The following DCDC1 variants were observed in gnomAD, a reference collection of about 807,000 sequenced individuals.
DCDC1 encodes doublecortin domain-containing protein 1.
A neutral mutation model predicts 178.3 loss-of-function variants in DCDC1; 200 were observed. The observed-to-expected ratio is 1.12, with a 90% CI of 1.00 to 1.26. DCDC1 has a LOEUF of 1.26. Among genes scored for constraint, DCDC1 ranks in the 50% most tolerant of loss-of-function variants. DCDC1 has a pLI of 0.00. For synonymous variants in DCDC1, 690 were observed against 604.8 expected (o/e 1.14, Z -2.07); for missense variants, 1,983 against 1,749.2 (o/e 1.13, Z -2.38).
At chr11:30,879,176 A>T (rs1377241400) in intron 37 of DCDC1, among the ~76,000 whole-genome samples, 4 of 152,124 alleles carry the variant, frequency 2.6e-5, no homozygotes, top group South Asian at 4.1e-4. Flanking sequence ...TCACATACTA[A>T]ATGTTTTTTG....
intron 9 of DCDC1, among the ~76,000 whole-genome samples, chr11:31,166,799 T>A (rs1474551890): frequency 2.0e-5 from 3 of 152,198 alleles, no homozygotes. Context: ...CCAATAGCTA[T>A]AAATGTGAAC....
intron 9 of DCDC1, among the ~76,000 whole-genome samples, chr11:31,197,097 T>C (rs1393797982): frequency 6.6e-6 from 1 of 152,066 alleles, no homozygotes; most frequent in East Asian, 1.9e-4. Flanking sequence ...ACCAAATATA[T>C]ATATATTTTT....
intron 7 of DCDC1, chr11:31,281,043 A>AT: frequency 2.0e-6 from 1 of 498,468 alleles, no homozygotes; most frequent in Non-Finnish European, 3.9e-6. Context: ...TAGACGTCCC[A>AT]TTCTCCTTAA....
chr11:31,244,410 ATTATTT>A (rs1297627074), intron 8 of DCDC1, among the ~76,000 whole-genome samples: 5 of 151,494 alleles, frequency 3.3e-5, no homozygotes, highest in Non-Finnish European at 7.4e-5. Context: ...TTTTTCCCTT[ATTATTT>A]TTGTGTCCTT....
intron 20 of DCDC1, among the ~76,000 whole-genome samples, chr11:30,975,820 C>G (rs2134735347): frequency 6.6e-6 from 1 of 152,018 alleles, no homozygotes; most frequent in African/African-American, 2.4e-5. Flanking sequence ...CAATCCCTAT[C>G]AAAGTGCCAA....
chr11:31,006,018 C>T (rs1951827994), intron 20 of DCDC1, among the ~76,000 whole-genome samples: 2 of 150,866 alleles, frequency 1.3e-5, no homozygotes, highest in South Asian at 4.2e-4. Context: ...TCACATAACC[C>T]ATTTTACTGC....
intron 21 of DCDC1, chr11:30,944,213 A>G (rs993678146): frequency 4.7e-6 from 2 of 425,070 alleles, no homozygotes; most frequent in South Asian, 1.7e-5. Flanking sequence ...CTTCTCCTTT[A>G]TTCATCAACT....
rs563162623 is a variant in DCDC1 at position 31,365,630 on chromosome 11, C to T, written c.-125+4067G>A. On this transcript the variant is annotated intron_variant, in intron 1 of 38. Coordinates refer to ENST00000684477, the MANE Select transcript of DCDC1 (RefSeq NM_001387274.1). ...TGAATGTCTGGTAGACGTTAGTTTA[C>T]GGGCAGGCGTGTACCAAAGTGATAG... Among the ~76,000 whole-genome samples the T allele has an allele frequency of 5.9e-5, 9 of 152,182 alleles. No individual in the cohort carries two copies. In the South Asian group the frequency reaches 6.2e-4, roughly 11 times the overall value.
chr11:31,358,778 A>C (rs1006900126), intron 1 of DCDC1, among the ~76,000 whole-genome samples: 9 of 152,214 alleles, frequency 5.9e-5, no homozygotes, highest in Non-Finnish European at 1.5e-5. Context: ...GGCAAAGGAT[A>C]TGAACAGACA....
At chr11:31,148,673 T>C (rs1026055027) in intron 9 of DCDC1, among the ~76,000 whole-genome samples, 1 of 151,644 alleles carries the variant, frequency 6.6e-6, no homozygotes, top group Non-Finnish European at 1.5e-5. Context: ...ATTATGATGG[T>C]TTCTTTTATA....
rs568398660 is a variant in DCDC1 at position 31,215,267 on chromosome 11, A to G, written c.1221+26183T>C. 38 of 173,002 alleles carry G rather than the reference A, an allele frequency of 2.2e-4. No homozygotes were observed. The South Asian group carries it at 4.2e-3, about 19-fold the overall frequency. 10.7% of individuals were successfully genotyped at this position (173,002 alleles called of 1,614,324 possible). A position where few individuals can be genotyped will look rare whatever the true frequency, so the allele number is the denominator to read the frequency against. The stretch of plus-strand genomic sequence containing the variant: ...CAACATAGTGAGACCCAGTTCTCTA[A>G]AAATAAAATAAAATAAATAATTCAT... On this transcript the variant is annotated intron_variant, in intron 9 of 38. Coordinates refer to ENST00000684477, the MANE Select transcript of DCDC1 (RefSeq NM_001387274.1).
chr11:31,254,949 C>A (rs1459309116), intron 8 of DCDC1, among the ~76,000 whole-genome samples: 3 of 152,056 alleles, frequency 2.0e-5, no homozygotes. Flanking sequence ...GCAGAGTCTC[C>A]TTTTCCCTCA....
chr11:31,285,928 C>T (rs1411673159), intron 7 of DCDC1, among the ~76,000 whole-genome samples: 1 of 152,222 alleles, frequency 6.6e-6, no homozygotes. Flanking sequence ...TACACTCATT[C>T]TAATCTAACA....
intron 1 of DCDC1, among the ~76,000 whole-genome samples, chr11:31,343,558 T>G (rs1294758384): frequency 1.3e-5 from 2 of 152,082 alleles, no homozygotes; most frequent in Admixed American, 1.3e-4. Context: ...CTGCCCATCT[T>G]GGCTTCCCAA....
At chr11:31,185,908 A>C (rs546041437) in intron 9 of DCDC1, among the ~76,000 whole-genome samples, 1 of 152,346 alleles carries the variant, frequency 6.6e-6, no homozygotes, top group African/African-American at 2.4e-5. Context: ...CATTTAAATA[A>C]GTATATCAAA....
chr11:30,918,896 T>A (rs1946047755), intron 25 of DCDC1, among the ~76,000 whole-genome samples: 1 of 152,178 alleles, frequency 6.6e-6, no homozygotes, highest in South Asian at 2.1e-4. Context: ...CTTTTCCATT[T>A]TTCTTATTGT....
At chr11:31,031,366 T>C (rs1417569406) in intron 20 of DCDC1, among the ~76,000 whole-genome samples, 1 of 152,162 alleles carries the variant, frequency 6.6e-6, no homozygotes, top group Non-Finnish European at 1.5e-5. Context: ...CTGGTAATGT[T>C]AAAATATCTG....
intron 20 of DCDC1, among the ~76,000 whole-genome samples, chr11:31,051,516 AT>A (rs1313918514): frequency 6.6e-6 from 1 of 152,216 alleles, no homozygotes; most frequent in Non-Finnish European, 1.5e-5. Flanking sequence ...GCCCAGGCAC[AT>A]TGTCATCAGG....
At chr11:31,176,159 C>T (rs1967986207) in intron 9 of DCDC1, among the ~76,000 whole-genome samples, 1 of 152,060 alleles carries the variant, frequency 6.6e-6, no homozygotes, top group African/African-American at 2.4e-5. Context: ...CATTACAAAA[C>T]AATTTATGAT....
Sources: gnomAD v4.1 joint callset for allele counts (sites outside exome capture counted in the v4.1 genomes callset) on GRCh38, gnomAD v4.1.1 for gene constraint, MANE v1.5 for transcripts, NCBI Gene and HGNC (gene_info 2026-07-23, HGNC 2026-07-21) for gene names.